PTN: variants seen among roughly 807,000 people sequenced by gnomAD.
The protein encoded by PTN is pleiotrophin, also known as heparin affin regulatory protein.
A neutral mutation model predicts 24.1 loss-of-function variants in PTN; 18 were observed. The ratio of observed to expected loss-of-function variants is 0.75; its 90% CI spans 0.52 to 1.11. PTN has a LOEUF of 1.11. Among genes scored for constraint, PTN ranks in the 50% least tolerant of loss-of-function variants. The probability of loss-of-function intolerance (pLI) is 0.00; values close to 1 mark genes in which losing one functional copy is unlikely to be tolerated. For synonymous variants in PTN, 78 were observed against 68.6 expected (o/e 1.14, Z -0.67); for missense variants, 163 against 198.8 (o/e 0.82, Z 1.08).
At position 137,296,486 on chromosome 7, in the gene PTN, TCA is replaced by T. The variant is rs374217791; in HGVS notation, c.-1-41514_-1-41513del. The stretch of plus-strand genomic sequence containing the variant: ...AGTAGAGACAATTTGGTTTTGGAGC[TCA>T]CATCTCTACCAATTGCCAGATGCCA... On this transcript the variant is annotated intron_variant, in intron 1 of 4. Coordinates refer to ENST00000348225, the MANE Select transcript of PTN (RefSeq NM_002825.7). 1.5e-3 allele frequency among the ~76,000 whole-genome samples: 230 copies of T among 152,132 alleles called. 1 individual carries two copies. Among genetic ancestry groups the T allele is most frequent in the African/African-American group, 5.4e-3 (224 of 41,524 alleles).
At chr7:137,265,771 T>G (rs1809132865) in intron 1 of PTN, among the ~76,000 whole-genome samples, 1 of 151,976 alleles carries the variant, frequency 6.6e-6, no homozygotes, top group Non-Finnish European at 1.5e-5. Flanking sequence ...TTGTTTAACG[T>G]GCAGATGGAA....
At chr7:137,236,147 T>C (rs1425610201) in intron 4 of PTN, 3 of 701,742 alleles carry the variant, frequency 4.3e-6, no homozygotes, top group Non-Finnish European at 7.8e-6. Flanking sequence ...AACTCACCAG[T>C]TGCATCAGTA....
At chr7:137,248,612 G>T (rs555377106) in intron 4 of PTN, among the ~76,000 whole-genome samples, 3 of 152,160 alleles carry the variant, frequency 2.0e-5, no homozygotes, top group Non-Finnish European at 4.4e-5. Flanking sequence ...CCCAGGAGGC[G>T]GAGTTTGCAG....
chr7:137,243,935 C>A (rs554878599), intron 4 of PTN, among the ~76,000 whole-genome samples: 7 of 152,118 alleles, frequency 4.6e-5, no homozygotes, highest in Admixed American at 2.6e-4. Context: ...CCTGGTCTTG[C>A]GGCATCCAAG....
At chr7:137,297,828 G>A (rs1809742517) in intron 1 of PTN, among the ~76,000 whole-genome samples, 1 of 152,002 alleles carries the variant, frequency 6.6e-6, no homozygotes. Flanking sequence ...AGAGCTGGAG[G>A]TGCAAATAGA....
chr7:137,290,041 A>G (rs560788551), intron 1 of PTN, among the ~76,000 whole-genome samples: 1 of 152,346 alleles, frequency 6.6e-6, no homozygotes, highest in South Asian at 2.1e-4. Context: ...ACAGTTCCAC[A>G]TGGCTGGGGA....
chr7:137,325,111 G>T (rs887683192), intron 1 of PTN, among the ~76,000 whole-genome samples: 2 of 152,120 alleles, frequency 1.3e-5, no homozygotes, highest in Non-Finnish European at 2.9e-5. Flanking sequence ...AAATTATCTG[G>T]ACCAGGAATT....
At chr7:137,274,054 CAAAT>C (rs1384305327) in intron 1 of PTN, among the ~76,000 whole-genome samples, 7 of 130,986 alleles carry the variant, frequency 5.3e-5, no homozygotes, top group South Asian at 2.6e-4. Context: ...CACACACACA[CAAAT>C]AGCCTCTTAT....
At chr7:137,299,600 A>G (rs1563216715) in intron 1 of PTN, among the ~76,000 whole-genome samples, 1 of 151,920 alleles carries the variant, frequency 6.6e-6, no homozygotes, top group Non-Finnish European at 1.5e-5. Flanking sequence ...GTTATTTCCA[A>G]AGAGGAGGCA....
chr7:137,329,572 C>G (rs760556720), intron 1 of PTN, among the ~76,000 whole-genome samples: 3 of 151,980 alleles, frequency 2.0e-5, no homozygotes, highest in Non-Finnish European at 4.4e-5. Context: ...AAGGACAGAG[C>G]AGAAGAAAAA....
intron 1 of PTN, among the ~76,000 whole-genome samples, chr7:137,295,598 T>C (rs1009773187): frequency 6.6e-6 from 1 of 152,086 alleles, no homozygotes; most frequent in Non-Finnish European, 1.5e-5. Flanking sequence ...ATAAAGTATA[T>C]CATTCACAAG....
At chr7:137,326,387 C>T (rs2128882082) in intron 1 of PTN, 1 of 152,288 alleles carries the variant, frequency 6.6e-6, no homozygotes, top group South Asian at 2.1e-4. Flanking sequence ...TGTTTACTCA[C>T]CCTTCATGTA....
At chr7:137,317,554 T>C (rs1810092605) in intron 1 of PTN, among the ~76,000 whole-genome samples, 1 of 152,194 alleles carries the variant, frequency 6.6e-6, no homozygotes. Context: ...TTTGGAACTT[T>C]ACTGAGTTCC....
chr7:137,343,443 AGTT>A lies in PTN; in HGVS notation c.-9_-7del. The A allele has an allele frequency of 1.9e-6, 1 of 515,320 alleles. No individual in the cohort carries two copies. Among genetic ancestry groups the A allele is most frequent in the South Asian group, 1.4e-5 (1 of 71,004 alleles). 31.9% of individuals were successfully genotyped at this position (515,320 alleles called of 1,614,324 possible). Reference sequence around the variant, plus strand: ...TCGTACGTTCCTCTCACTTACTTTGAGTTGGAAACGTCCTCTCTGGCGCTCAGT... The same window carrying A: ...TCGTACGTTCCTCTCACTTACTTTGAGGAAACGTCCTCTCTGGCGCTCAGT... On this transcript the variant is annotated 5_prime_UTR_variant, in exon 1 of 5. Coordinates refer to ENST00000348225, the MANE Select transcript of PTN (RefSeq NM_002825.7).
At chr7:137,335,925 T>A (rs1810439930) in intron 1 of PTN, among the ~76,000 whole-genome samples, 1 of 131,572 alleles carries the variant, frequency 7.6e-6, no homozygotes, top group South Asian at 2.6e-4. Flanking sequence ...AGATGTCTTC[T>A]CGCTTTTTTT....
intron 1 of PTN, among the ~76,000 whole-genome samples, chr7:137,333,127 T>C (rs1810386219): frequency 6.6e-6 from 1 of 152,086 alleles, no homozygotes; most frequent in South Asian, 2.1e-4. Flanking sequence ...TTCCCACTCT[T>C]AGTTCCCCCA....
chr7:137,236,001 A>C (rs747851147), intron 4 of PTN: 24 of 586,166 alleles, frequency 4.1e-5, no homozygotes, highest in Admixed American at 1.2e-4. Flanking sequence ...ATCTCCTAAA[A>C]ACAGAAAGTT....
At chr7:137,260,885 A>T (rs931355323) in intron 1 of PTN, among the ~76,000 whole-genome samples, 5 of 152,160 alleles carry the variant, frequency 3.3e-5, no homozygotes, top group African/African-American at 9.7e-5. Context: ...TGATATTCTC[A>T]TTCTAGTCTT....
chr7:137,292,836 G>A (rs1809662078), intron 1 of PTN, among the ~76,000 whole-genome samples: 1 of 152,146 alleles, frequency 6.6e-6, no homozygotes, highest in Non-Finnish European at 1.5e-5. Flanking sequence ...AGGGCTGACT[G>A]TATTCCATTT....
Sources: allele counts gnomAD v4.1 joint callset (sites outside exome capture counted in the v4.1 genomes callset), GRCh38; gene constraint gnomAD v4.1.1; transcripts MANE v1.5; gene names NCBI Gene and HGNC (gene_info 2026-07-23, HGNC 2026-07-21).